The following COL21A1 variants were observed in gnomAD, a reference collection of about 807,000 sequenced individuals.
The protein encoded by COL21A1 is collagen alpha-1(XXI) chain.
COL21A1 carries 149 observed loss-of-function variants against 137.9 expected under a neutral mutation model. The ratio of observed to expected loss-of-function variants is 1.08; its 90% CI spans 0.95 to 1.24. The LOEUF (loss-of-function observed/expected upper bound fraction) is 1.24. Among genes scored for constraint, COL21A1 ranks in the 50% most tolerant of loss-of-function variants. The pLI is 0.00. For missense variants in COL21A1, 1,167 were observed against 1,158.4 expected (o/e 1.01, Z -0.11); for synonymous variants, 456 against 391.5 (o/e 1.16, Z -1.95).
chr6:56,215,321 G>T (rs987724301), intron 1 of COL21A1, among the ~76,000 whole-genome samples: 1 of 151,998 alleles, frequency 6.6e-6, no homozygotes, highest in African/African-American at 2.4e-5. Context: ...TTCAAAGACT[G>T]ATGTAGGAAA....
chr6:56,373,316 T>A (rs1025134230), intron 1 of COL21A1, among the ~76,000 whole-genome samples: 1 of 152,234 alleles, frequency 6.6e-6, no homozygotes, highest in Non-Finnish European at 1.5e-5. Flanking sequence ...TTTAAAAATG[T>A]TTAGGCCAGG....
At chr6:56,239,711 A>T (rs1782149405) in intron 1 of COL21A1, among the ~76,000 whole-genome samples, 1 of 152,186 alleles carries the variant, frequency 6.6e-6, no homozygotes, top group Non-Finnish European at 1.5e-5. Flanking sequence ...CACCATTCAC[A>T]GTAACAACCA....
intron 1 of COL21A1, among the ~76,000 whole-genome samples, chr6:56,239,027 T>C (rs1782092052): frequency 6.6e-6 from 1 of 152,180 alleles, no homozygotes; most frequent in Non-Finnish European, 1.5e-5. Context: ...TCAAGCACCA[T>C]GCACAAAGTC....
chr6:56,302,323 G>T (rs970775785), intron 1 of COL21A1, among the ~76,000 whole-genome samples: 1 of 152,142 alleles, frequency 6.6e-6, no homozygotes, highest in African/African-American at 2.4e-5. Flanking sequence ...CACAATGGTT[G>T]CACTAGTTTA....
chr6:56,065,607 G>A (rs1177969684), intron 23 of COL21A1, among the ~76,000 whole-genome samples: 1 of 151,962 alleles, frequency 6.6e-6, no homozygotes, highest in Non-Finnish European at 1.5e-5. Flanking sequence ...CTTGAGGGGT[G>A]AGTAAGAGGT....
At chr6:56,264,703 C>T (rs977239304) in intron 1 of COL21A1, among the ~76,000 whole-genome samples, 8 of 152,152 alleles carry the variant, frequency 5.3e-5, no homozygotes, top group African/African-American at 1.7e-4. Context: ...TACCTCAATC[C>T]GATACTAGTC....
intron 5 of COL21A1, among the ~76,000 whole-genome samples, chr6:56,170,269 T>C (rs983394578): frequency 1.3e-4 from 19 of 151,908 alleles, no homozygotes; most frequent in Admixed American, 9.8e-4. Flanking sequence ...TGACGTCAAC[T>C]AGACCAAAAT....
At chr6:56,246,879 C>CA (rs1326938966) in intron 1 of COL21A1, among the ~76,000 whole-genome samples, 2 of 151,966 alleles carry the variant, frequency 1.3e-5, no homozygotes, top group African/African-American at 4.8e-5. Context: ...AAGTCCCACC[C>CA]CCAGAGATTC....
At chr6:56,251,369 A>G (rs1179021659), upstream of COL21A1, among the ~76,000 whole-genome samples, 1 of 152,206 alleles carries the variant, frequency 6.6e-6, no homozygotes, top group Non-Finnish European at 1.5e-5. Context: ...TCATATCTAC[A>G]TTGTTTCTCA....
At chr6:56,119,021 A>T (rs1357175417) in intron 16 of COL21A1, among the ~76,000 whole-genome samples, 6 of 152,156 alleles carry the variant, frequency 3.9e-5, no homozygotes, top group African/African-American at 1.4e-4. Flanking sequence ...GATCTGAAAC[A>T]TGACAGGGTG....
At chr6:56,316,805 A>G (rs1016069160) in intron 1 of COL21A1, among the ~76,000 whole-genome samples, 14 of 152,116 alleles carry the variant, frequency 9.2e-5, no homozygotes, top group African/African-American at 3.4e-4. Flanking sequence ...TTTTTTATAA[A>G]AAGGAAATAT....
At chr6:56,285,746 A>T (rs529074491) in intron 1 of COL21A1, among the ~76,000 whole-genome samples, 1 of 151,776 alleles carries the variant, frequency 6.6e-6, no homozygotes, top group Non-Finnish European at 1.5e-5. Context: ...TCCTCTTCCC[A>T]CTCATTAAAA....
chr6:56,132,923 G>A (rs1042226274), intron 12 of COL21A1, among the ~76,000 whole-genome samples: 1 of 152,172 alleles, frequency 6.6e-6, no homozygotes, highest in Non-Finnish European at 1.5e-5. Flanking sequence ...ATGATTGTGA[G>A]GCCTCCCCAG....
chr6:56,100,266 G>T (rs1233018617), intron 17 of COL21A1, among the ~76,000 whole-genome samples: 1 of 151,998 alleles, frequency 6.6e-6, no homozygotes, highest in Admixed American at 6.6e-5. Flanking sequence ...ATCCTTTCAT[G>T]AACAAATCTG....
intron 1 of COL21A1, among the ~76,000 whole-genome samples, chr6:56,368,373 G>C (rs1189697933): frequency 6.6e-6 from 1 of 152,128 alleles, no homozygotes; most frequent in Non-Finnish European, 1.5e-5. Flanking sequence ...CAGAGATGTG[G>C]ACAAATCAAA....
At chr6:56,145,948 T>A (rs1161740813) in intron 10 of COL21A1, among the ~76,000 whole-genome samples, 1 of 152,064 alleles carries the variant, frequency 6.6e-6, no homozygotes, top group East Asian at 1.9e-4. Flanking sequence ...CCTCCATGAT[T>A]CATAGTTACA....
chr6:56,062,594 A>G (rs1443932679), intron 24 of COL21A1, among the ~76,000 whole-genome samples: 1 of 152,166 alleles, frequency 6.6e-6, no homozygotes, highest in Non-Finnish European at 1.5e-5. Flanking sequence ...GTTGCACACA[A>G]TGAAGTCTGA....
chr6:56,165,946 A>ACACT (rs1248026870), intron 7 of COL21A1, among the ~76,000 whole-genome samples: 2 of 149,630 alleles, frequency 1.3e-5, no homozygotes, highest in African/African-American at 5.0e-5. Flanking sequence ...ACACACACAC[A>ACACT]CTCCATGCGA....
chr6:56,067,880 G>T, intron 22 of COL21A1, among the ~76,000 whole-genome samples: 1 of 151,570 alleles, frequency 6.6e-6, no homozygotes, highest in East Asian at 1.9e-4. Flanking sequence ...CAATGCCCTT[G>T]TTTTTATAGA....
Sources: allele counts gnomAD v4.1 joint callset (sites outside exome capture counted in the v4.1 genomes callset), GRCh38; gene constraint gnomAD v4.1.1; transcripts MANE v1.5; gene names NCBI Gene and HGNC (gene_info 2026-07-23, HGNC 2026-07-21).